LGALS16: variants seen among roughly 807,000 people sequenced by gnomAD.
LGALS16 encodes the protein galectin-16.
In LGALS16, 15 loss-of-function variants were observed where a neutral mutation model predicts 13.2. The ratio of observed to expected loss-of-function variants is 1.13; its 90% CI spans 0.76 to 1.75. The LOEUF is 1.75. Among genes scored for constraint, LGALS16 ranks in the 40% most tolerant of loss-of-function variants. LGALS16 has a pLI of 0.00. For synonymous variants in LGALS16, 66 were observed against 65.4 expected, an observed-to-expected ratio of 1.01 and a Z score of -0.05; for missense variants, 198 against 178.4, an observed-to-expected ratio of 1.11 and a Z score of -0.63.
intron 2 of LGALS16, among the ~76,000 whole-genome samples, 199 bp downstream of exon 2, chr19:39,658,158 G>T (rs1973216527): frequency 6.6e-6 from 1 of 152,220 alleles, no homozygotes; most frequent in Non-Finnish European, 1.5e-5. Flanking sequence ...GGGCCTAGGG[G>T]AGGAGAATAC....
chr19:39,658,414 G>C (rs952589082), intron 2 of LGALS16, 46 bp from the exon 3 acceptor site: 4 of 1,454,202 alleles, frequency 2.8e-6, no homozygotes, highest in Non-Finnish European at 2.8e-6. Flanking sequence ...GTGTGTGTCT[G>C]TGCAATGAAG....
At chr19:39,656,533 C>G (rs1027217958) in intron 1 of LGALS16, among the ~76,000 whole-genome samples, 1 of 152,146 alleles carries the variant, frequency 6.6e-6, no homozygotes, top group Admixed American at 6.5e-5. Context: ...GATGAAGGAA[C>G]TGTGTGTCTT....
chr19:39,660,143 G>A (rs1311896529), intron 3 of LGALS16, among the ~76,000 whole-genome samples: 1 of 152,176 alleles, frequency 6.6e-6, no homozygotes, highest in Non-Finnish European at 1.5e-5. Flanking sequence ...TAGAAGGGAG[G>A]CTGAATAAAC....
At position 39,658,667 on chromosome 19, in the gene LGALS16, T is replaced by C; in HGVS notation, c.300T>C (p.Tyr100=). 1 of 1,568,482 alleles carries C rather than the reference T, an allele frequency of 6.4e-7. No homozygotes were observed. The highest frequency in any genetic ancestry group is 8.6e-7 in the Non-Finnish European group (1 of 1,160,214). ...GCATCTACGTGTGTCACAATGAGTA[T>C]GAGGTGAGCACCCCAGGAGCTCGCA... is the stretch of plus-strand genomic sequence containing the variant. ...DLRIYVCHNE[Y]EVKVNGEYIY... Residue 100 remains tyrosine (Y), a synonymous_variant, in exon 3 of 4, where the codon TAT becomes TAC. Transcript: ENST00000392051.
At position 39,660,408 on chromosome 19, in the gene LGALS16, G is replaced by C; in HGVS notation, c.317G>C (p.Gly106Ala). Residue 106 changes from glycine to alanine, a missense_variant, in exon 4 of 4, where the codon GGT (glycine) becomes GCT (alanine). Physicochemically the swap from Gly to Ala is moderately conservative, Grantham distance 60 (BLOSUM62 0). Coordinates refer to ENST00000392051, the MANE Select transcript of LGALS16 (RefSeq NM_001190441.3). ...CHNEYEVKVNGEYIYAFVHRI... is the reference protein window; with the variant it reads ...CHNEYEVKVNAEYIYAFVHRI... ...TTCCTCTTAAAGGTAAAGGTAAATG[G>C]TGAATACATTTATGCCTTTGTCCAT... 1 of 1,540,560 alleles carries C rather than the reference G, an allele frequency of 6.5e-7. No homozygotes were observed. The highest frequency in any genetic ancestry group is 8.7e-7 in the Non-Finnish European group (1 of 1,147,688).
In LGALS16 at chr19:39,656,316, C is replaced by G. The variant is rs550395262; in HGVS notation, c.15+340C>G. Among the ~76,000 whole-genome samples, 4 of 152,246 alleles carry G rather than the reference C, an allele frequency of 2.6e-5. No individual in the cohort carries two copies. The South Asian group carries it at 8.3e-4, about 32-fold the overall frequency. ...GGGGGTGATTGTACTTTGTCTTCCTCTTTGTGATGTGAGTGTGTGTTAGCA... is the reference window on the plus strand; with the variant it reads ...GGGGGTGATTGTACTTTGTCTTCCTGTTTGTGATGTGAGTGTGTGTTAGCA... On this transcript the variant is annotated intron_variant, in intron 1 of 3. Coordinates refer to ENST00000392051, the MANE Select transcript of LGALS16 (RefSeq NM_001190441.3).
rs770251530 is a variant in LGALS16 at position 39,658,663 on chromosome 19, A to G, written c.296A>G (p.Glu99Gly). The G allele has an allele frequency of 2.5e-6, 4 of 1,573,318 alleles. No homozygotes were observed. The highest frequency in any genetic ancestry group is 3.4e-6 in the Non-Finnish European group (4 of 1,163,150). ...FDLRIYVCHN[E>G]YEVKVNGEYI... is the part of the protein sequence containing the mutation. ...TTGCGCATCTACGTGTGTCACAATGAGTATGAGGTGAGCACCCCAGGAGCT... is the reference window on the plus strand; with the variant it reads ...TTGCGCATCTACGTGTGTCACAATGGGTATGAGGTGAGCACCCCAGGAGCT... Residue 99 changes from glutamate (E) to glycine (G), a missense_variant, in exon 3 of 4, where the codon GAG becomes GGG. Physicochemically the swap from Glu to Gly is moderately conservative, Grantham distance 98. Transcript: ENST00000392051.
At chr19:39,660,060 G>C (rs558318056) in intron 3 of LGALS16, among the ~76,000 whole-genome samples, 14 of 152,328 alleles carry the variant, frequency 9.2e-5, no homozygotes, top group African/African-American at 3.1e-4. Context: ...CACTAACCCT[G>C]TGGCAGGTCC....
chr19:39,659,377 C>T (rs1462621965), intron 3 of LGALS16, among the ~76,000 whole-genome samples: 1 of 152,166 alleles, frequency 6.6e-6, no homozygotes. Flanking sequence ...ACCGTGCCAA[C>T]CCCTTCAGAG....
Sources: allele counts gnomAD v4.1 joint callset (sites outside exome capture counted in the v4.1 genomes callset), GRCh38; gene constraint gnomAD v4.1.1; transcripts MANE v1.5; gene names NCBI Gene and HGNC (gene_info 2026-07-23, HGNC 2026-07-21).